The following F13B variants were observed in gnomAD, a reference collection of about 807,000 sequenced individuals.
The protein encoded by F13B is coagulation factor XIII B chain.
F13B carries 58 observed loss-of-function variants against 79.8 expected under a neutral mutation model. The ratio of observed to expected loss-of-function variants is 0.73; its 90% CI spans 0.59 to 0.90. The LOEUF is 0.90. Among genes scored for constraint, F13B ranks in the 40% least tolerant of loss-of-function variants. The pLI is 0.00. For synonymous variants in F13B, 283 were observed against 260.3 expected, an observed-to-expected ratio of 1.09 and a Z score of -0.84; for missense variants, 773 against 777.0, an observed-to-expected ratio of 0.99 and a Z score of 0.06.
rs1183401714 is a variant in F13B, at chr1:197,067,172, G to C, written c.52C>G (p.Leu18Val). 2 of 1,594,870 alleles carry C rather than the reference G, an allele frequency of 1.3e-6. No individual in the cohort carries two copies. Among genetic ancestry groups the C allele is most frequent in the Non-Finnish European group, 1.7e-6 (2 of 1,163,858 alleles). The change falls in exon 1 of 12, where the codon CTC becomes GTC. Residue 18 changes from leucine to valine, a missense_variant. By Grantham distance (32) the Leu-to-Val change is conservative (BLOSUM62 1). Coordinates refer to ENST00000367412, the MANE Select transcript of F13B (RefSeq NM_001994.3). Reference sequence around the variant, plus strand: ...GAATTAATTTTACCTTCTGCATAGAGTTCTCCTGAGATTATCAATATGATG... The same window carrying C: ...GAATTAATTTTACCTTCTGCATAGACTTCTCCTGAGATTATCAATATGATG... ...FIIILIISGE[L>V]YAEEKPCGFP...
rs201251301 is a variant in F13B at position 197,057,471 on chromosome 1, G to A, written c.806-6C>T. The A allele has an allele frequency of 6.2e-7, 1 of 1,613,216 alleles. No individual in the cohort carries two copies. Among genetic ancestry groups the A allele is most frequent in the Non-Finnish European group, 8.5e-7 (1 of 1,179,608 alleles). ...AGGACATCTGTTTCTTCTTCCTTAT[G>A]GAAAAAATTAATCAGCACCTTTAGT... is the stretch of plus-strand genomic sequence containing the variant. On this transcript the variant is annotated splice_polypyrimidine_tract_variant and splice_region_variant and intron_variant, in intron 5 of 11. Coordinates refer to ENST00000367412, the MANE Select transcript of F13B (RefSeq NM_001994.3).
chr1:197,061,901 C>T lies in F13B; in HGVS notation c.334G>A (p.Glu112Lys). Residue 112 changes from glutamate (E) to lysine (K), a missense_variant, in exon 3 of 12, where the codon GAG (glutamate) becomes AAG (lysine). Coordinates refer to ENST00000367412, the MANE Select transcript of F13B (RefSeq NM_001994.3). The part of the protein sequence containing the change: ...SDVKLLYKIQ[E>K]NMRYGCASGY... Reference sequence around the variant, plus strand: ...GAAGCGCAACCATAACGCATGTTCTCTTGAATTTTATACAATAACTTTACA... The same window carrying T: ...GAAGCGCAACCATAACGCATGTTCTTTTGAATTTTATACAATAACTTTACA... The T allele has an allele frequency of 6.2e-7, 1 of 1,613,002 alleles. No individual in the cohort carries two copies. Among genetic ancestry groups the T allele is most frequent in the South Asian group, 1.1e-5 (1 of 91,052 alleles).
At position 197,055,759 on chromosome 1, in the gene F13B, G is replaced by A. The variant is rs781021918; in HGVS notation, c.1310C>T (p.Ser437Phe). Residue 437 changes from serine to phenylalanine, a missense_variant, in exon 8 of 12, where the codon TCT (serine) becomes TTT (phenylalanine). By Grantham distance (155) the Ser-to-Phe change is radical. Coordinates refer to ENST00000367412, the MANE Select transcript of F13B (RefSeq NM_001994.3). ...TGACCATTTTCCTTGTTCGCAACGA[G>A]ATATTTTTGATCCCCTCAGTAAGTA... is the stretch of plus-strand genomic sequence containing the variant. ...EYYLLRGSKI[S>F]RCEQGKWSSP... 1.2e-6 allele frequency: 2 copies of A among 1,613,522 alleles called. No individual in the cohort carries two copies. The highest frequency in any genetic ancestry group is 1.7e-6 in the Non-Finnish European group (2 of 1,179,722).
At chr1:197,061,178 T>A in intron 3 of F13B, 103 bp from the exon 4 acceptor site, 1 of 650,386 alleles carries the variant, frequency 1.5e-6, no homozygotes. Context: ...CATGGTAAAA[T>A]CAACTCTTAG....
At chr1:197,060,210 T>G (rs1344574575) in intron 5 of F13B, among the ~76,000 whole-genome samples, 156 bp downstream of exon 5, 1 of 151,926 alleles carries the variant, frequency 6.6e-6, no homozygotes, top group Non-Finnish European at 1.5e-5. Context: ...ATATTAAAGA[T>G]TGCTGAAAAT....
intron 10 of F13B, among the ~76,000 whole-genome samples, chr1:197,044,573 C>T (rs1046098212): frequency 1.3e-5 from 2 of 151,876 alleles, no homozygotes; most frequent in Non-Finnish European, 1.5e-5. Flanking sequence ...ACTTTAACAC[C>T]CCACTGTCAA....
rs764573837 is a variant in F13B at position 197,039,424 on chromosome 1, AAGAG to A, written c.1953-17_1953-14del. 1 of 1,608,114 alleles carries A rather than the reference AAGAG, an allele frequency of 6.2e-7. No individual in the cohort carries two copies. Among genetic ancestry groups the A allele is most frequent in the East Asian group, 2.2e-5 (1 of 44,630 alleles). On this transcript the variant is annotated splice_polypyrimidine_tract_variant and intron_variant, in intron 11 of 11. Transcript: ENST00000367412. ...ATAAGACAGAGTGCTTGAGGGGAAA[AAGAG>A]AGATTTTTGAAATAAGCATCAATTG...
intron 10 of F13B, among the ~76,000 whole-genome samples, chr1:197,050,406 T>C (rs938967328): frequency 6.6e-6 from 1 of 152,136 alleles, no homozygotes; most frequent in Non-Finnish European, 1.5e-5. Context: ...CCAATCACAA[T>C]GAATGATAAT....
chr1:197,065,858 C>A (rs1227066400), intron 1 of F13B, among the ~76,000 whole-genome samples: 4 of 152,028 alleles, frequency 2.6e-5, no homozygotes, highest in Admixed American at 2.6e-4. Context: ...AAGAGTGAGA[C>A]CTTTCATAGG....
intron 5 of F13B, among the ~76,000 whole-genome samples, chr1:197,059,414 T>C (rs1407320995): frequency 6.6e-6 from 1 of 152,122 alleles, no homozygotes; most frequent in East Asian, 1.9e-4. Flanking sequence ...CCTCATTTGT[T>C]TCCCCTAGCA....
chr1:197,041,763 AT>A (rs1655044461), intron 10 of F13B, among the ~76,000 whole-genome samples: 1 of 152,140 alleles, frequency 6.6e-6, no homozygotes, highest in East Asian at 1.9e-4. Flanking sequence ...TCAACTAAAC[AT>A]TTATTATACA....
At chr1:197,043,593 A>G (rs1463464378) in intron 10 of F13B, among the ~76,000 whole-genome samples, 1 of 152,228 alleles carries the variant, frequency 6.6e-6, no homozygotes, top group Admixed American at 6.5e-5. Flanking sequence ...AAAAGAAAAT[A>G]TAAAATAGAA....
intron 3 of F13B, 80 bp from the exon 4 acceptor site, chr1:197,061,155 A>G (rs1037119610): frequency 4.0e-6 from 3 of 754,072 alleles, no homozygotes; most frequent in African/African-American, 1.8e-5. Context: ...TGGTTTTACA[A>G]ATCTTAAGAA....
chr1:197,054,866 G>T (rs1378841703), intron 8 of F13B, among the ~76,000 whole-genome samples: 1 of 151,710 alleles, frequency 6.6e-6, no homozygotes, highest in Non-Finnish European at 1.5e-5. Flanking sequence ...AATAGAAAAA[G>T]AATTAAAATT....
chr1:197,058,859 A>T (rs536692054), intron 5 of F13B, among the ~76,000 whole-genome samples: 38 of 152,172 alleles, frequency 2.5e-4, no homozygotes, highest in Non-Finnish European at 5.0e-4. Context: ...TTGTATGCCT[A>T]ATGACTGTTT....
intron 10 of F13B, among the ~76,000 whole-genome samples, chr1:197,045,548 C>T (rs564054318): frequency 6.6e-6 from 1 of 152,160 alleles, no homozygotes; most frequent in East Asian, 1.9e-4. Flanking sequence ...AGCCCAGGAC[C>T]AGATGGATTC....
rs5996 is a variant in F13B at position 197,063,215 on chromosome 1, C to T, written c.65-158G>A. Among the ~76,000 whole-genome samples the T allele has an allele frequency of 7.6e-4, 115 of 152,180 alleles. 1 individual carries two copies. The East Asian group carries it at 0.02, about 27-fold the overall frequency. ...TAAGGTACTTTTGTGACAACTCAAG[C>T]AGTCCTTTTATCATAATTGATCTGC... is the stretch of plus-strand genomic sequence containing the variant. On this transcript the variant is annotated intron_variant, in intron 1 of 11. Transcript: ENST00000367412.
Position 197,039,645 on chromosome 1 carries a change from T to C in F13B, c.1953-234A>G, listed in dbSNP as rs17549853. 6.4e-3 allele frequency among the ~76,000 whole-genome samples: 971 copies of C among 152,230 alleles called. 9 individuals carry two copies. Among genetic ancestry groups the C allele is most frequent in the African/African-American group, 0.022 (905 of 41,584 alleles). ...TTTTCTACGTGTTTACCTTTTTCTCTTAAAAGTGAGAAATTCATACTGTAC... is the reference window on the plus strand; with the variant it reads ...TTTTCTACGTGTTTACCTTTTTCTCCTAAAAGTGAGAAATTCATACTGTAC... On this transcript the variant is annotated intron_variant, in intron 11 of 11. Coordinates refer to ENST00000367412, the MANE Select transcript of F13B (RefSeq NM_001994.3).
intron 1 of F13B, among the ~76,000 whole-genome samples, chr1:197,066,944 GT>G (rs1180611775): frequency 2.0e-5 from 3 of 151,878 alleles, no homozygotes; most frequent in Non-Finnish European, 2.9e-5. Flanking sequence ...AAGGGTTTTT[GT>G]TTTGTTTTGC....
Sources: allele counts gnomAD v4.1 joint callset (sites outside exome capture counted in the v4.1 genomes callset), GRCh38; gene constraint gnomAD v4.1.1; transcripts MANE v1.5; gene names NCBI Gene and HGNC (gene_info 2026-07-23, HGNC 2026-07-21).